The following LAMA2 variants were observed in gnomAD, a reference collection of about 807,000 sequenced individuals.
The protein encoded by LAMA2 is laminin subunit alpha 2.
In LAMA2, 269 loss-of-function variants were observed where a neutral mutation model predicts 364.8. The ratio of observed to expected loss-of-function variants is 0.74; its 90% CI spans 0.67 to 0.82. The LOEUF is 0.82. LAMA2 is among the 40% of genes least tolerant of loss of function. The pLI is 0.00. For missense variants in LAMA2, 3,807 were observed against 3,873.2 expected, an observed-to-expected ratio of 0.98 and a Z score of 0.45; for synonymous variants, 1,379 against 1,370.6, an observed-to-expected ratio of 1.01 and a Z score of -0.14.
intron 15 of LAMA2, 46 bp downstream of exon 15, chr6:129,260,868 A>G (rs889351405): frequency 1.1e-5 from 12 of 1,130,152 alleles, no homozygotes; most frequent in Admixed American, 3.4e-5. Context: ...AGTTCCCTCA[A>G]CATTGCTTTC....
intron 1 of LAMA2, among the ~76,000 whole-genome samples, chr6:128,970,523 T>C (rs1033683511): frequency 3.3e-5 from 5 of 152,204 alleles, no homozygotes; most frequent in African/African-American, 1.2e-4. Flanking sequence ...TGGATATGGT[T>C]CAAACGTTCA....
chr6:129,277,287 G>A (rs1461465414), intron 17 of LAMA2, among the ~76,000 whole-genome samples: 2 of 152,104 alleles, frequency 1.3e-5, no homozygotes, highest in Non-Finnish European at 2.9e-5. Flanking sequence ...TCATGTCTTG[G>A]CCAAAATTAG....
At chr6:129,046,339 C>T (rs901813107) in intron 1 of LAMA2, among the ~76,000 whole-genome samples, 4 of 152,144 alleles carry the variant, frequency 2.6e-5, no homozygotes, top group African/African-American at 9.7e-5. Context: ...GTTTAATAGA[C>T]TCACAGTTCC....
At chr6:129,004,984 A>G (rs1784355861) in intron 1 of LAMA2, among the ~76,000 whole-genome samples, 1 of 152,108 alleles carries the variant, frequency 6.6e-6, no homozygotes, top group Non-Finnish European at 1.5e-5. Flanking sequence ...TTCATCACTA[A>G]CTTTCAAAAC....
At chr6:129,161,265 A>G (rs1028569050) in intron 8 of LAMA2, among the ~76,000 whole-genome samples, 5 of 152,076 alleles carry the variant, frequency 3.3e-5, no homozygotes, top group Non-Finnish European at 5.9e-5. Context: ...TTTAACTTTC[A>G]ACCTATCTTT....
At position 129,382,913 on chromosome 6, in the gene LAMA2, G is replaced by A. The variant is rs774551107; in HGVS notation, c.4960-209G>A. On this transcript the variant is annotated intron_variant, in intron 34 of 64. Transcript: ENST00000421865. ...AGCGTTTTTTAAAAGACCAAATACA[G>A]CTCTCTGATTTCCATTTAATGGAAG... Among the ~76,000 whole-genome samples the A allele has an allele frequency of 1.3e-3, 203 of 152,280 alleles. 2 individuals carry two copies. The highest frequency in any genetic ancestry group is 2.4e-3 in the Non-Finnish European group (162 of 68,010).
In LAMA2 at chr6:129,472,939, C is replaced by T. The variant is rs559987923; in HGVS notation, c.7301-275C>T. On this transcript the variant is annotated intron_variant, in intron 51 of 64. Transcript: ENST00000421865. ...TTATAGAAAACTACATCAAATGGAT[C>T]TTTGATGTTCAGTTATAGTTATCTC... 4.6e-4 allele frequency among the ~76,000 whole-genome samples: 70 copies of T among 152,008 alleles called. 1 individual carries two copies. The highest frequency in any genetic ancestry group is 2.0e-3 in the Admixed American group (30 of 15,228).
intron 51 of LAMA2, among the ~76,000 whole-genome samples, chr6:129,470,224 G>C (rs1391480584): frequency 6.6e-6 from 1 of 151,684 alleles, no homozygotes; most frequent in Non-Finnish European, 1.5e-5. Context: ...AGATTGGGTG[G>C]GGGGGTCATA....
chr6:129,341,039 A>G (rs946233099), intron 29 of LAMA2, among the ~76,000 whole-genome samples: 4 of 152,214 alleles, frequency 2.6e-5, no homozygotes, highest in African/African-American at 7.2e-5. Context: ...AAGAAATAGC[A>G]TAAACTCTCA....
At chr6:129,154,353 A>T in intron 7 of LAMA2, 152 bp from the exon 8 acceptor site, 1 of 623,724 alleles carries the variant, frequency 1.6e-6, no homozygotes, top group Non-Finnish European at 2.8e-6. Context: ...CAGAGGTTGC[A>T]GTGAGCCGAG....
intron 1 of LAMA2, among the ~76,000 whole-genome samples, chr6:128,954,193 G>T (rs1411352251): frequency 6.6e-6 from 1 of 152,010 alleles, no homozygotes. Flanking sequence ...ATTATTAGAA[G>T]AACACATCTT....
chr6:128,972,223 T>TA lies in LAMA2; in HGVS notation c.113-77686dup, dbSNP rs915845610. ...ACACTGTTTGAAAAACCTTATTTTG[T>TA]AAAAAAAAATCTGTTCTATTCACTG... On this transcript the variant is annotated intron_variant, in intron 1 of 64. Transcript: ENST00000421865. 4.7e-4 allele frequency among the ~76,000 whole-genome samples: 72 copies of TA among 151,810 alleles called. No individual in the cohort carries two copies. In the Middle Eastern group the frequency reaches 0.01, roughly 22 times the overall value.
intron 34 of LAMA2, among the ~76,000 whole-genome samples, chr6:129,382,683 G>T (rs1235016650): frequency 6.6e-6 from 1 of 152,086 alleles, no homozygotes; most frequent in African/African-American, 2.4e-5. Flanking sequence ...AAATCTATAG[G>T]ATCAAGCTTA....
At chr6:129,154,857 A>G (rs1168636531) in intron 8 of LAMA2, among the ~76,000 whole-genome samples, 174 bp downstream of exon 8, 1 of 152,238 alleles carries the variant, frequency 6.6e-6, no homozygotes, top group Non-Finnish European at 1.5e-5. Flanking sequence ...AGGATGTAAG[A>G]TAAAACTTTT....
intron 51 of LAMA2, among the ~76,000 whole-genome samples, chr6:129,466,846 G>T (rs752400494): frequency 6.6e-6 from 1 of 151,876 alleles, no homozygotes; most frequent in African/African-American, 2.4e-5. Context: ...CTAAGTGAGT[G>T]AGTTTCAGCT....
rs564262724 is a variant in LAMA2 at position 128,954,875 on chromosome 6, C to T, written c.112+71518C>T. Among the ~76,000 whole-genome samples, 5 of 151,916 alleles carry T rather than the reference C, an allele frequency of 3.3e-5. No homozygotes were observed. In the South Asian group the frequency reaches 1.0e-3, roughly 32 times the overall value. ...TTAATTTTCTTTGTTACTCTAAGAA[C>T]TCCCCATATATATGTAAATTTCAGC... On this transcript the variant is annotated intron_variant, in intron 1 of 64. Coordinates refer to ENST00000421865, the MANE Select transcript of LAMA2 (RefSeq NM_000426.4).
chr6:129,185,571 T>A (rs1735768772), intron 10 of LAMA2, among the ~76,000 whole-genome samples: 1 of 151,856 alleles, frequency 6.6e-6, no homozygotes, highest in Non-Finnish European at 1.5e-5. Context: ...ATCATATTGA[T>A]TTTATGTAAA....
At position 129,250,240 on chromosome 6, in the gene LAMA2, G is replaced by T. The variant is rs778281707; in HGVS notation, c.1884+27G>T. The stretch of plus-strand genomic sequence containing the variant: ...TAGAGTACTGAGAGCATGTTCACCC[G>T]TGTTACTTCCTGATGTTACTTAAGG... On this transcript the variant is annotated intron_variant, in intron 13 of 64. Coordinates refer to ENST00000421865, the MANE Select transcript of LAMA2 (RefSeq NM_000426.4). The T allele has an allele frequency of 3.0e-6, 4 of 1,330,296 alleles. No homozygotes were observed. In the East Asian group the frequency reaches 9.2e-5, roughly 31 times the overall value. 82.4% of individuals were successfully genotyped at this position (1,330,296 alleles called of 1,614,324 possible).
chr6:129,432,408 G>A (rs1781640839), intron 41 of LAMA2, among the ~76,000 whole-genome samples: 1 of 152,192 alleles, frequency 6.6e-6, no homozygotes, highest in Non-Finnish European at 1.5e-5. Flanking sequence ...CACCATGTGA[G>A]TAGAGGACAA....
Sources: allele counts gnomAD v4.1 joint callset (sites outside exome capture counted in the v4.1 genomes callset), GRCh38; gene constraint gnomAD v4.1.1; transcripts MANE v1.5; gene names NCBI Gene and HGNC (gene_info 2026-07-23, HGNC 2026-07-21).